The following CENPE variants were observed in gnomAD, a reference collection of about 807,000 sequenced individuals.
CENPE encodes the protein centromere protein E.
Under a neutral mutation model 336.1 loss-of-function variants are expected in CENPE, and 145 were observed. The ratio of observed to expected loss-of-function variants is 0.43; its 90% CI spans 0.38 to 0.50. CENPE has a LOEUF of 0.50. Ranked by LOEUF, CENPE falls within the 20% of genes least tolerant of loss-of-function variation. The probability of loss-of-function intolerance (pLI) is 0.00; values close to 1 mark genes in which losing one functional copy is unlikely to be tolerated. For missense variants in CENPE, 2,719 were observed against 3,023.3 expected, an observed-to-expected ratio of 0.90 and a Z score of 2.36; for synonymous variants, 1,013 against 984.8, an observed-to-expected ratio of 1.03 and a Z score of -0.54.
rs1004781454 is a variant in CENPE, at chr4:103,153,235, T to C, written c.3049A>G (p.Lys1017Glu). 1.9e-6 allele frequency: 3 copies of C among 1,610,184 alleles called. No individual in the cohort carries two copies. Among genetic ancestry groups the C allele is most frequent in the African/African-American group, 1.3e-5 (1 of 74,898 alleles). Residue 1017 changes from lysine (K) to glutamate (E), a missense_variant, in exon 25 of 49, where the codon AAA becomes GAA. Physicochemically the swap from Lys to Glu is moderately conservative, Grantham distance 56 (BLOSUM62 1). This residue lies in a region of CENPE where 2,437 missense variants were observed against 2,513.3 expected (regional missense o/e 0.97). Coordinates refer to ENST00000265148, the MANE Select transcript of CENPE (RefSeq NM_001813.3). ...EFQQKMVGID[K>E]KQDLEAKNTQ... ...TTTTTAGCTTCCAAATCCTGTTTTT[T>C]ATCTATGCCAACCATCTAAAACATA...
At chr4:103,137,055 G>T (rs1752127538) in intron 39 of CENPE, among the ~76,000 whole-genome samples, 1 of 152,074 alleles carries the variant, frequency 6.6e-6, no homozygotes, top group Non-Finnish European at 1.5e-5. Context: ...ACTTGAAGGA[G>T]ACAAAATTAT....
chr4:103,135,293 C>T (rs1751969498), intron 40 of CENPE, among the ~76,000 whole-genome samples: 1 of 152,322 alleles, frequency 6.6e-6, no homozygotes, highest in African/African-American at 2.4e-5. Context: ...TAAATGTCTA[C>T]TTGGTTTCTC....
chr4:103,108,683 G>C, intron 48 of CENPE, 120 bp downstream of exon 48: 1 of 929,246 alleles, frequency 1.1e-6, no homozygotes, highest in South Asian at 1.8e-5. Context: ...AATGAAGCCT[G>C]TCATTGTAGC....
intron 29 of CENPE, 107 bp from the exon 30 acceptor site, chr4:103,146,214 C>T: frequency 1.0e-6 from 1 of 960,760 alleles, no homozygotes; most frequent in South Asian, 1.7e-5. Flanking sequence ...TTCAGTGCCT[C>T]ATTTACAGAG....
At chr4:103,169,954 T>TA (rs1755255191) in intron 16 of CENPE, among the ~76,000 whole-genome samples, 1 of 152,074 alleles carries the variant, frequency 6.6e-6, no homozygotes, top group East Asian at 1.9e-4. Flanking sequence ...TACGCAGCCA[T>TA]AAAAAAGGAT....
intron 41 of CENPE, 64 bp from the exon 42 acceptor site, chr4:103,132,960 T>TTATATATATATA (rs56951110): frequency 0.012 from 1,759 of 148,138 alleles, 80 homozygotes; most frequent in African/African-American, 0.058. Flanking sequence ...AATATTTTAT[T>TTATATATATATA]TATATATATA....
intron 9 of CENPE, among the ~76,000 whole-genome samples, chr4:103,184,735 A>G (rs1350133223): frequency 6.6e-6 from 1 of 152,112 alleles, no homozygotes; most frequent in Non-Finnish European, 1.5e-5. Flanking sequence ...AATATGTTTT[A>G]CTATCTTATA....
intron 24 of CENPE, among the ~76,000 whole-genome samples, chr4:103,153,498 C>T (rs948400358): frequency 6.6e-6 from 1 of 152,178 alleles, no homozygotes; most frequent in Non-Finnish European, 1.5e-5. Flanking sequence ...GGTTTTGAAT[C>T]CAAGTGATCT....
intron 47 of CENPE, among the ~76,000 whole-genome samples, chr4:103,109,341 GAAAGCTCT>G (rs977687874): frequency 2.6e-5 from 4 of 152,078 alleles, no homozygotes; most frequent in African/African-American, 9.7e-5. Flanking sequence ...GTCTTGAAAA[GAAAGCTCT>G]AAGTACAACA....
Position 103,159,090 on chromosome 4 carries a change from C to T in CENPE, c.2521G>A (p.Glu841Lys). The change falls in exon 22 of 49, where the codon GAG becomes AAG. Residue 841 changes from glutamate (E) to lysine (K), a missense_variant. This residue lies in a region of CENPE where 2,437 missense variants were observed against 2,513.3 expected (regional missense o/e 0.97). Coordinates refer to ENST00000265148, the MANE Select transcript of CENPE (RefSeq NM_001813.3). ...TTAACTATTTCCTGATTCATTCTCT[C>T]ATTCTCCTCAAGGACCATCTTATAC... ...QKYKMVLEEN[E>K]RMNQEIVNLS... 1 of 1,575,586 alleles carries T rather than the reference C, an allele frequency of 6.3e-7. No homozygotes were observed. The highest frequency in any genetic ancestry group is 8.6e-7 in the Non-Finnish European group (1 of 1,167,054).
rs948268978 is a variant in CENPE, at chr4:103,141,737, C to T, written c.5463+13G>A. On this transcript the variant is annotated intron_variant, in intron 35 of 48. Coordinates refer to ENST00000265148, the MANE Select transcript of CENPE (RefSeq NM_001813.3). ...ATTAGATATCCAATCAAACAATCCC[C>T]CCATAAAAATACCTTTTCTTGTAAT... 1 of 1,492,756 alleles carries T rather than the reference C, an allele frequency of 6.7e-7. No homozygotes were observed. The highest frequency in any genetic ancestry group is 1.4e-5 in the African/African-American group (1 of 70,810). 92.5% of individuals were successfully genotyped at this position (1,492,756 alleles called of 1,614,324 possible).
chr4:103,146,051 ATTGTCT>A lies in CENPE; in HGVS notation c.4185_4190del (p.Lys1395_Asp1396del). The A allele has an allele frequency of 6.2e-7, 1 of 1,613,756 alleles. No homozygotes were observed. Among genetic ancestry groups the A allele is most frequent in the East Asian group, 2.2e-5 (1 of 44,806 alleles). On this transcript the variant is annotated inframe_deletion, in exon 30 of 49. Transcript: ENST00000265148. ...TCTCACTCACGATTTTGGTAGTTTC[ATTGTCT>A]TTTTCTTTCATATTTAAGGACTGTT...
In CENPE at chr4:103,145,892, C is replaced by T. The variant is rs774735422; in HGVS notation, c.4350G>A (p.Leu1450=). The T allele has an allele frequency of 6.2e-7, 1 of 1,613,586 alleles. No homozygotes were observed. Reference sequence around the variant, plus strand: ...CACTTTCAGATTGAAGAACTTCTTGCAGCCTCTGTAGGTCATCTTTCTCCT... The same window carrying T: ...CACTTTCAGATTGAAGAACTTCTTGTAGCCTCTGTAGGTCATCTTTCTCCT... ...VAKEKDDLQR[L]QEVLQSESDQ... Residue 1450 remains leucine (L), a synonymous_variant, in exon 30 of 49, where the codon CTG becomes CTA. Coordinates refer to ENST00000265148, the MANE Select transcript of CENPE (RefSeq NM_001813.3).
chr4:103,137,031 G>C (rs890273971), intron 39 of CENPE, among the ~76,000 whole-genome samples: 1 of 152,048 alleles, frequency 6.6e-6, no homozygotes, highest in African/African-American at 2.4e-5. Context: ...CTATAAAACA[G>C]ACACAGTCAT....
At position 103,151,285 on chromosome 4, in the gene CENPE, C is replaced by CTTTA; in HGVS notation, c.3326_3329dup (p.Lys1110AsnfsTer9). 1 of 1,606,742 alleles carries CTTTA rather than the reference C, an allele frequency of 6.2e-7. No individual in the cohort carries two copies. The highest frequency in any genetic ancestry group is 8.5e-7 in the Non-Finnish European group (1 of 1,178,414). The stretch of plus-strand genomic sequence containing the variant: ...AGGTCCTAGAAAGCTCTCCTTCTTT[C>CTTTA]TTTATGGCATGGTTCTTTTCTTGTG... On this transcript the variant is annotated frameshift_variant, in exon 26 of 49. Transcript: ENST00000265148. LOFTEE classifies it high-confidence loss of function.
rs1405242723 is a variant in CENPE at position 103,132,738 on chromosome 4, A to AT, written c.6878dup (p.Asn2293LysfsTer2). On this transcript the variant is annotated frameshift_variant, in exon 42 of 49. Coordinates refer to ENST00000265148, the MANE Select transcript of CENPE (RefSeq NM_001813.3). LOFTEE classifies it high-confidence loss of function. Reference sequence around the variant, plus strand: ...AGTTATTCACTTGACAAATCCTATCATTTTCTTTCTGGATGCCATTTTTAA... The same window carrying AT: ...AGTTATTCACTTGACAAATCCTATCATTTTTCTTTCTGGATGCCATTTTTAA... The AT allele has an allele frequency of 1.3e-6, 2 of 1,566,842 alleles. No homozygotes were observed. The highest frequency in any genetic ancestry group is 1.7e-6 in the Non-Finnish European group (2 of 1,143,880).
rs565508481 is a variant in CENPE, at chr4:103,141,110, G to C, written c.5464-6C>G. 19 of 1,481,514 alleles carry C rather than the reference G, an allele frequency of 1.3e-5. No individual in the cohort carries two copies. The South Asian group carries it at 2.1e-4, about 17-fold the overall frequency. 91.8% of individuals were successfully genotyped at this position (1,481,514 alleles called of 1,614,324 possible). ...TTTGCCTTAAGTTCTTGAATCTTAA[G>C]ATAATCATAAAATAATATGTTAGGT... On this transcript the variant is annotated splice_region_variant and splice_polypyrimidine_tract_variant and intron_variant, in intron 35 of 48. Transcript: ENST00000265148.
chr4:103,139,724 A>G, intron 38 of CENPE, 65 bp downstream of exon 38: 1 of 1,367,302 alleles, frequency 7.3e-7, no homozygotes, highest in Non-Finnish European at 9.9e-7. Flanking sequence ...AAAACATTGT[A>G]ATTCTTTTCA....
At chr4:103,171,311 A>G (rs571451055) in intron 16 of CENPE, among the ~76,000 whole-genome samples, 62 of 152,294 alleles carry the variant, frequency 4.1e-4, no homozygotes, top group African/African-American at 1.5e-3. Flanking sequence ...AATCAAAATT[A>G]TATCAAGTAT....
Sources: gnomAD v4.1 joint callset for allele counts (sites outside exome capture counted in the v4.1 genomes callset) on GRCh38, gnomAD v4.1.1 for gene constraint, gnomAD v4.1.1 regional missense constraint, MANE v1.5 for transcripts, NCBI Gene and HGNC (gene_info 2026-07-23, HGNC 2026-07-21) for gene names.